Variants in ZDHHC21 observed in about 807,000 individuals in gnomAD.
The protein encoded by ZDHHC21 is zDHHC palmitoyltransferase 21.
A neutral mutation model predicts 34.6 loss-of-function variants in ZDHHC21; 15 were observed. That is an observed-to-expected ratio of 0.43 (90% CI 0.29 to 0.67). ZDHHC21 has a LOEUF of 0.67. Ranked by LOEUF, ZDHHC21 falls within the 30% of genes least tolerant of loss-of-function variation. ZDHHC21 has a pLI of 0.14. For missense variants in ZDHHC21, 344 were observed against 327.7 expected (o/e 1.05, Z -0.38); for synonymous variants, 142 against 101.8 (o/e 1.40, Z -2.38).
rs1242040041 is a variant in ZDHHC21 at position 14,613,692 on chromosome 9, T to C, written c.*5274A>G. 6.6e-6 allele frequency: 1 copy of C among 151,838 alleles called. No individual in the cohort carries two copies. The highest frequency in any genetic ancestry group is 1.5e-5 in the Non-Finnish European group (1 of 67,784). The allele number at this position is 151,838 out of a possible 1,614,324, so 9.4% of individuals were successfully genotyped here. ...AATAGAAATGGAGACCTTCGAGGTA[T>C]CAAGAACTCCAAAATATCCCAAATG... On this transcript the variant is annotated 3_prime_UTR_variant, in exon 10 of 10. Transcript: ENST00000380916.
At chr9:14,643,838 C>G (rs2133756418) in intron 7 of ZDHHC21, among the ~76,000 whole-genome samples, 1 of 152,270 alleles carries the variant, frequency 6.6e-6, no homozygotes, top group East Asian at 1.9e-4. Flanking sequence ...TGCATGGGCT[C>G]TCTACTCTTG....
At chr9:14,652,950 T>A (rs1831487500) in intron 7 of ZDHHC21, among the ~76,000 whole-genome samples, 1 of 152,026 alleles carries the variant, frequency 6.6e-6, no homozygotes, top group Non-Finnish European at 1.5e-5. Context: ...TGCTGCCACC[T>A]ATCTACGTGA....
intron 8 of ZDHHC21, among the ~76,000 whole-genome samples, chr9:14,624,485 A>G (rs1322034248): frequency 2.0e-5 from 3 of 152,150 alleles, no homozygotes; most frequent in Non-Finnish European, 4.4e-5. Context: ...CTAATCGGCC[A>G]AAAAAAGAAT....
chr9:14,625,660 G>A (rs1020115460), intron 8 of ZDHHC21, among the ~76,000 whole-genome samples: 2 of 151,818 alleles, frequency 1.3e-5, no homozygotes, highest in Non-Finnish European at 2.9e-5. Flanking sequence ...TACTTTTTGA[G>A]AGGGCTTGGA....
chr9:14,693,399 G>C lies in ZDHHC21; in HGVS notation c.-395C>G. 1 of 300,148 alleles carries C rather than the reference G, an allele frequency of 3.3e-6. No homozygotes were observed. The highest frequency in any genetic ancestry group is 2.5e-5 in the South Asian group (1 of 40,632). 18.6% of individuals were successfully genotyped at this position (300,148 alleles called of 1,614,324 possible). On this transcript the variant is annotated 5_prime_UTR_variant, in exon 1 of 10. Coordinates refer to ENST00000380916, the MANE Select transcript of ZDHHC21 (RefSeq NM_178566.6). ...GCCTGGACCGGCCGAGTGGGTGTCC[G>C]CATGCCCGCGCGCCCGCGTGGGGAG...
intron 8 of ZDHHC21, among the ~76,000 whole-genome samples, chr9:14,628,029 A>T (rs1301188623): frequency 6.6e-6 from 1 of 152,198 alleles, no homozygotes; most frequent in Non-Finnish European, 1.5e-5. Context: ...CTGATTTGAA[A>T]ACATTTTTAT....
the ZDHHC21 span, among the ~76,000 whole-genome samples, chr9:14,591,560 G>C: frequency 1.3e-5 from 2 of 152,164 alleles, no homozygotes; most frequent in East Asian, 1.9e-4. Flanking sequence ...CAAACAGCAA[G>C]ATGACAGACT....
At chr9:14,662,897 A>G (rs1188846235) in intron 5 of ZDHHC21, among the ~76,000 whole-genome samples, 1 of 152,188 alleles carries the variant, frequency 6.6e-6, no homozygotes, top group African/African-American at 2.4e-5. Flanking sequence ...AGGTTAGAGA[A>G]GGATGTCATA....
At chr9:14,672,687 G>A (rs1175995737) in intron 5 of ZDHHC21, 143 bp downstream of exon 5, 9 of 554,844 alleles carry the variant, frequency 1.6e-5, no homozygotes, top group Non-Finnish European at 2.7e-5. Flanking sequence ...AAGTAGAGAA[G>A]TTTGGAAAAG....
intron 8 of ZDHHC21, among the ~76,000 whole-genome samples, chr9:14,630,036 C>A (rs1827054951): frequency 6.6e-6 from 1 of 152,126 alleles, no homozygotes; most frequent in Admixed American, 6.5e-5. Flanking sequence ...CAGAGAGAGA[C>A]TCCATCCCAA....
chr9:14,589,341 T>A, the ZDHHC21 span: 1 of 152,190 alleles, frequency 6.6e-6, no homozygotes, highest in Non-Finnish European at 1.5e-5. Context: ...ACAGGTGGTA[T>A]AGTACTACTA....
At chr9:14,604,713 C>T in the ZDHHC21 span, among the ~76,000 whole-genome samples, 1 of 152,146 alleles carries the variant, frequency 6.6e-6, no homozygotes, top group Non-Finnish European at 1.5e-5. Flanking sequence ...TGGCAAAAAG[C>T]ACATGAGATC....
the ZDHHC21 span, among the ~76,000 whole-genome samples, chr9:14,591,899 G>A: frequency 6.6e-6 from 1 of 150,422 alleles, no homozygotes; most frequent in African/African-American, 2.5e-5. Flanking sequence ...CTGCTTGCAT[G>A]ATATCTGTTT....
At chr9:14,651,258 T>G (rs948359350) in intron 7 of ZDHHC21, among the ~76,000 whole-genome samples, 1 of 151,918 alleles carries the variant, frequency 6.6e-6, no homozygotes, top group Admixed American at 6.6e-5. Context: ...TTCACTGAGC[T>G]TTCTCTGAAG....
At chr9:14,665,882 C>T (rs370414691) in intron 5 of ZDHHC21, among the ~76,000 whole-genome samples, 17 of 149,956 alleles carry the variant, frequency 1.1e-4, no homozygotes, top group Admixed American at 7.3e-4. Context: ...GGGTACCAGC[C>T]GCTGCAAAAT....
intron 5 of ZDHHC21, among the ~76,000 whole-genome samples, chr9:14,672,082 T>C (rs183360470): frequency 1.5e-3 from 229 of 152,224 alleles, no homozygotes; most frequent in African/African-American, 5.4e-3. Context: ...ATTTAGTGGG[T>C]CACATATATA....
At position 14,614,899 on chromosome 9, in the gene ZDHHC21, T is replaced by C. The variant is rs1187458605; in HGVS notation, c.*4067A>G. 1.3e-5 allele frequency: 2 copies of C among 151,682 alleles called. No homozygotes were observed. Among genetic ancestry groups the C allele is most frequent in the African/African-American group, 4.8e-5 (2 of 41,420 alleles). 9.4% of individuals were successfully genotyped at this position (151,682 alleles called of 1,614,324 possible). ...ATATATCTATGTATATTAGAGGTCA[T>C]GTCAGAAACTTATTCAATAAAGTAA... On this transcript the variant is annotated 3_prime_UTR_variant, in exon 10 of 10. Coordinates refer to ENST00000380916, the MANE Select transcript of ZDHHC21 (RefSeq NM_178566.6).
intron 6 of ZDHHC21, among the ~76,000 whole-genome samples, chr9:14,659,753 G>A (rs1448516599): frequency 6.6e-6 from 1 of 152,088 alleles, no homozygotes; most frequent in Non-Finnish European, 1.5e-5. Context: ...GTCAAATACA[G>A]ACCTGAACTG....
Position 14,674,196 on chromosome 9 carries a change from A to C in ZDHHC21, c.145T>G (p.Leu49Val). The C allele has an allele frequency of 6.7e-7, 1 of 1,499,492 alleles. No individual in the cohort carries two copies. Among genetic ancestry groups the C allele is most frequent in the Non-Finnish European group, 8.8e-7 (1 of 1,130,602 alleles). 92.9% of individuals were successfully genotyped at this position (1,499,492 alleles called of 1,614,324 possible). Residue 49 changes from leucine to valine, a missense_variant, in exon 4 of 10, where the codon TTA becomes GTA. By Grantham distance (32) the Leu-to-Val change is conservative (BLOSUM62 1). Coordinates refer to ENST00000380916, the MANE Select transcript of ZDHHC21 (RefSeq NM_178566.6). ...HYEEGHIPGI[L>V]IIIFYGISIF... ...AGATCAAGAAACTTACTTATTATTA[A>C]TATGCCTGGAATATGTCCTTCTTCA...
Sources: gnomAD v4.1 joint callset for allele counts (sites outside exome capture counted in the v4.1 genomes callset) on GRCh38, gnomAD v4.1.1 for gene constraint, MANE v1.5 for transcripts, NCBI Gene and HGNC (gene_info 2026-07-23, HGNC 2026-07-21) for gene names.